PRKACB: variants seen among roughly 807,000 people sequenced by gnomAD.
PRKACB encodes the protein cAMP-dependent protein kinase catalytic subunit beta.
A neutral mutation model predicts 51.4 loss-of-function variants in PRKACB; 16 were observed. The ratio of observed to expected loss-of-function variants is 0.31; its 90% CI spans 0.21 to 0.47. The LOEUF is 0.47. PRKACB is among the 20% of genes least tolerant of loss of function. The probability of loss-of-function intolerance (pLI) is 1.00; values close to 1 mark genes in which losing one functional copy is unlikely to be tolerated. For synonymous variants in PRKACB, 147 were observed against 154.4 expected (o/e 0.95, Z 0.35); for missense variants, 309 against 464.5 (o/e 0.67, Z 3.08).
intron 1 of PRKACB, among the ~76,000 whole-genome samples, chr1:84,169,576 G>A (rs892403265): frequency 6.6e-6 from 1 of 151,426 alleles, no homozygotes; most frequent in Non-Finnish European, 1.5e-5. Context: ...TTATAAGATG[G>A]AAAGTATGTT....
At chr1:84,139,479 C>T (rs1653165201), upstream of PRKACB, among the ~76,000 whole-genome samples, 1 of 152,092 alleles carries the variant, frequency 6.6e-6, no homozygotes, top group African/African-American at 2.4e-5. Flanking sequence ...TTTACAATAG[C>T]TCCAATTTTT....
intron 1 of PRKACB, among the ~76,000 whole-genome samples, chr1:84,105,638 C>T (rs192156823): frequency 1.3e-5 from 2 of 151,844 alleles, no homozygotes; most frequent in Non-Finnish European, 2.9e-5. Flanking sequence ...TGCAGTGGTA[C>T]GATCACAGCT....
At chr1:84,096,249 A>G (rs751750186) in intron 1 of PRKACB, among the ~76,000 whole-genome samples, 9 of 152,020 alleles carry the variant, frequency 5.9e-5, no homozygotes, top group Non-Finnish European at 1.2e-4. Context: ...CTAGCCCTGA[A>G]CTTCAATTTT....
intron 1 of PRKACB, among the ~76,000 whole-genome samples, chr1:84,089,749 A>G (rs1001845808): frequency 1.3e-5 from 2 of 152,104 alleles, no homozygotes; most frequent in African/African-American, 4.8e-5. Context: ...ACCTTGTAAT[A>G]TTCATTAACT....
rs376180911 is a variant in PRKACB at position 84,132,186 on chromosome 1, A to G, written c.47-46991A>G. On this transcript the variant is annotated intron_variant, in intron 1 of 8. Transcript: ENST00000370688. ...AAAATAAAGGTTTAATCCTAAAATT[A>G]TAGACTGTATTTCATTCCCCATACC... Among the ~76,000 whole-genome samples, 45 of 152,308 alleles carry G rather than the reference A, an allele frequency of 3.0e-4. 1 individual carries two copies. The East Asian group carries it at 6.2e-3, about 21-fold the overall frequency.
chr1:84,208,208 T>C (rs1671623851), intron 8 of PRKACB, among the ~76,000 whole-genome samples: 2 of 152,226 alleles, frequency 1.3e-5, no homozygotes, highest in African/African-American at 4.8e-5. Flanking sequence ...ATGAACAACA[T>C]GAATGGATTT....
chr1:84,121,980 A>G (rs559861161), intron 1 of PRKACB, among the ~76,000 whole-genome samples: 1 of 152,128 alleles, frequency 6.6e-6, no homozygotes, highest in South Asian at 2.1e-4. Flanking sequence ...GTACCTTTAC[A>G]TTTTGTACAT....
At chr1:84,094,032 AC>A (rs1648731944) in intron 1 of PRKACB, among the ~76,000 whole-genome samples, 1 of 151,958 alleles carries the variant, frequency 6.6e-6, no homozygotes, top group Non-Finnish European at 1.5e-5. Flanking sequence ...TACACAAATC[AC>A]TTTTTTGCTT....
At chr1:84,235,110 T>G in intron 9 of PRKACB, 70 bp from the exon 10 acceptor site, 1 of 1,485,572 alleles carries the variant, frequency 6.7e-7, no homozygotes, top group Non-Finnish European at 9.2e-7. Context: ...AATTTATTTT[T>G]CTTGGTGTTT....
chr1:84,200,422 C>G (rs1043524649), intron 7 of PRKACB, among the ~76,000 whole-genome samples: 5 of 152,004 alleles, frequency 3.3e-5, no homozygotes, highest in African/African-American at 1.2e-4. Context: ...ATATTTTCTC[C>G]CATTCTGTAG....
chr1:84,178,095 C>G (rs1010735334), intron 1 of PRKACB, among the ~76,000 whole-genome samples: 7 of 151,830 alleles, frequency 4.6e-5, no homozygotes, highest in African/African-American at 1.5e-4. Flanking sequence ...ATGCCAAAAG[C>G]CTTTTTGGTT....
chr1:84,227,760 A>G (rs1245455722), intron 9 of PRKACB, among the ~76,000 whole-genome samples: 2 of 152,228 alleles, frequency 1.3e-5, no homozygotes, highest in African/African-American at 2.4e-5. Context: ...GTAAGGATCC[A>G]TGGACAATTT....
At chr1:84,154,113 C>T (rs138198042) in intron 1 of PRKACB, among the ~76,000 whole-genome samples, 273 of 152,242 alleles carry the variant, frequency 1.8e-3, no homozygotes, top group African/African-American at 6.3e-3. Flanking sequence ...TCATTACCCT[C>T]ATGAGTAGTG....
chr1:84,141,271 G>A (rs180712505), upstream of PRKACB, among the ~76,000 whole-genome samples: 57 of 152,138 alleles, frequency 3.7e-4, no homozygotes, highest in Admixed American at 3.4e-3. Flanking sequence ...TGGAAACACC[G>A]CTAGGAAGAA....
At chr1:84,187,408 G>A (rs914467271) in intron 5 of PRKACB, among the ~76,000 whole-genome samples, 2 of 152,102 alleles carry the variant, frequency 1.3e-5, no homozygotes, top group African/African-American at 4.8e-5. Flanking sequence ...ATGGAGTCTT[G>A]TTCTAGTGTT....
intron 1 of PRKACB, among the ~76,000 whole-genome samples, chr1:84,177,772 G>A (rs1661828344): frequency 1.3e-5 from 2 of 151,818 alleles, no homozygotes; most frequent in Admixed American, 1.3e-4. Flanking sequence ...AAGAGAAAAT[G>A]TAAGAATTTG....
intron 1 of PRKACB, among the ~76,000 whole-genome samples, chr1:84,113,981 T>G (rs1422047391): frequency 6.6e-6 from 1 of 152,154 alleles, no homozygotes; most frequent in Non-Finnish European, 1.5e-5. Context: ...AAATTTGTGG[T>G]ACATAAGTTA....
At chr1:84,220,295 A>G (rs1032442900) in intron 9 of PRKACB, among the ~76,000 whole-genome samples, 9 of 151,848 alleles carry the variant, frequency 5.9e-5, no homozygotes, top group Admixed American at 2.0e-4. Flanking sequence ...CTGATTTTTT[A>G]TGTTCATTTT....
chr1:84,102,711 G>A (rs946911786), intron 1 of PRKACB, among the ~76,000 whole-genome samples: 1 of 152,192 alleles, frequency 6.6e-6, no homozygotes, highest in African/African-American at 2.4e-5. Flanking sequence ...GAAGCAGGCT[G>A]AAAAGCTACT....
Sources: allele counts gnomAD v4.1 joint callset (sites outside exome capture counted in the v4.1 genomes callset), GRCh38; gene constraint gnomAD v4.1.1; transcripts MANE v1.5; gene names NCBI Gene and HGNC (gene_info 2026-07-23, HGNC 2026-07-21).